The following VTI1A variants were observed in gnomAD, a reference collection of about 807,000 sequenced individuals.
VTI1A encodes the protein vesicle transport through interaction with t-SNAREs 1A, also known as vesicle transport through interaction with t-SNAREs homolog 1A.
A neutral mutation model predicts 34.9 loss-of-function variants in VTI1A; 22 were observed. The ratio of observed to expected loss-of-function variants is 0.63; its 90% CI spans 0.45 to 0.90. The LOEUF (loss-of-function observed/expected upper bound fraction) is 0.90, where lower values mean the gene tolerates loss of function less well. Ranked by LOEUF, VTI1A falls within the 40% of genes least tolerant of loss-of-function variation. The pLI, the probability that VTI1A is intolerant of heterozygous loss-of-function variation, is 0.00. For synonymous variants in VTI1A, 87 were observed against 97.3 expected (o/e 0.89, Z 0.62); for missense variants, 268 against 275.6 (o/e 0.97, Z 0.20).
chr10:112,782,829 A>AGAGGG, intron 7 of VTI1A, among the ~76,000 whole-genome samples: 1 of 152,178 alleles, frequency 6.6e-6, no homozygotes, highest in East Asian at 1.9e-4. Context: ...CCAGCTTGGA[A>AGAGGG]GAGGGCTGGC....
intron 7 of VTI1A, among the ~76,000 whole-genome samples, chr10:112,749,335 A>G (rs1851020914): frequency 6.6e-6 from 1 of 151,908 alleles, no homozygotes; most frequent in Admixed American, 6.5e-5. Context: ...ACTTTCTCAG[A>G]AAAACTACAT....
rs767976231 is a variant in VTI1A at position 112,817,627 on chromosome 10, A to C, written c.*2244A>C. Reference sequence around the variant, plus strand: ...GGAAGCTGGTCAGAAGGTTCCCTCAACTCCTTCCTGGTCCTCCTGGACACT... The same window carrying C: ...GGAAGCTGGTCAGAAGGTTCCCTCACCTCCTTCCTGGTCCTCCTGGACACT... On this transcript the variant is annotated 3_prime_UTR_variant, in exon 8 of 8. Coordinates refer to ENST00000393077, the MANE Select transcript of VTI1A (RefSeq NM_145206.4). 4.4e-6 allele frequency: 1 copy of C among 228,472 alleles called. No individual in the cohort carries two copies. Among genetic ancestry groups the C allele is most frequent in the Admixed American group, 5.7e-5 (1 of 17,586 alleles). The allele number at this position is 228,472 out of a possible 1,614,324, so 14.2% of individuals were successfully genotyped here. A position where few individuals can be genotyped will look rare whatever the true frequency, so the allele number is the denominator to read the frequency against.
intron 3 of VTI1A, among the ~76,000 whole-genome samples, chr10:112,521,141 C>G (rs182108828): frequency 6.6e-5 from 10 of 152,126 alleles, no homozygotes; most frequent in Non-Finnish European, 1.2e-4. Context: ...TAACTCTAAA[C>G]AGTCCCTTGA....
intron 5 of VTI1A, among the ~76,000 whole-genome samples, chr10:112,646,651 G>A (rs1198404345): frequency 6.6e-6 from 1 of 152,018 alleles, no homozygotes; most frequent in Non-Finnish European, 1.5e-5. Context: ...TGGGATTACA[G>A]GAGTGTGCCA....
At chr10:112,823,358 T>G (rs1025359961), downstream of VTI1A, 3 of 152,124 alleles carry the variant, frequency 2.0e-5, no homozygotes, top group Non-Finnish European at 4.4e-5. Flanking sequence ...TGGCAGGCAA[T>G]CAGGAGCCCA....
At chr10:112,727,477 A>C (rs1044742347) in intron 7 of VTI1A, among the ~76,000 whole-genome samples, 1 of 152,182 alleles carries the variant, frequency 6.6e-6, no homozygotes, top group Non-Finnish European at 1.5e-5. Flanking sequence ...TACTTACATG[A>C]AAAAAATATG....
chr10:112,662,386 A>G (rs182301871), intron 5 of VTI1A, among the ~76,000 whole-genome samples: 1 of 152,218 alleles, frequency 6.6e-6, no homozygotes, highest in Non-Finnish European at 1.5e-5. Flanking sequence ...GATAATTTCT[A>G]TTAACTATGT....
chr10:112,654,096 A>G (rs952553116), intron 5 of VTI1A, among the ~76,000 whole-genome samples: 1 of 152,226 alleles, frequency 6.6e-6, no homozygotes, highest in South Asian at 2.1e-4. Flanking sequence ...AAGAAAAGCA[A>G]ACAATAATAA....
intron 2 of VTI1A, among the ~76,000 whole-genome samples, 159 bp from the exon 3 acceptor site, chr10:112,464,388 T>C (rs538031216): frequency 3.3e-5 from 5 of 152,224 alleles, no homozygotes; most frequent in Non-Finnish European, 7.4e-5. Flanking sequence ...AAAAATTAAG[T>C]GTAAAAGTAG....
the VTI1A span, among the ~76,000 whole-genome samples, chr10:112,844,919 A>G: frequency 6.6e-6 from 1 of 152,148 alleles, no homozygotes; most frequent in Non-Finnish European, 1.5e-5. Context: ...AACCATTCAC[A>G]TAGGGTTTTC....
chr10:112,849,318 A>G, the VTI1A span, among the ~76,000 whole-genome samples: 1 of 152,214 alleles, frequency 6.6e-6, no homozygotes, highest in African/African-American at 2.4e-5. Flanking sequence ...GTCTTCACAC[A>G]TGGGCATTCA....
At chr10:112,548,930 C>T in intron 5 of VTI1A, 1 of 769,188 alleles carries the variant, frequency 1.3e-6, no homozygotes. Context: ...TTTTCTTCTA[C>T]TTCTACCTCC....
At chr10:112,825,678 G>A in the VTI1A span, 1 of 152,212 alleles carries the variant, frequency 6.6e-6, no homozygotes, top group East Asian at 1.9e-4. Flanking sequence ...GTGCCTGTGG[G>A]GGTCTGCACT....
chr10:112,447,632 A>G (rs1846940444), intron 1 of VTI1A, among the ~76,000 whole-genome samples, 165 bp downstream of exon 1: 1 of 152,048 alleles, frequency 6.6e-6, no homozygotes, highest in African/African-American at 2.4e-5. Flanking sequence ...GTAAGGAGTC[A>G]AGTTCGGGTG....
chr10:112,780,273 A>AAAATAAATAAATAAAT (rs143844379), intron 7 of VTI1A, among the ~76,000 whole-genome samples: 49 of 138,276 alleles, frequency 3.5e-4, no homozygotes, highest in South Asian at 7.4e-4. Flanking sequence ...CCTGTCTCTA[A>AAAATAAATAAATAAAT]AAATAAATAA....
intron 7 of VTI1A, among the ~76,000 whole-genome samples, chr10:112,785,675 G>A (rs1392923389): frequency 6.6e-6 from 1 of 152,112 alleles, no homozygotes; most frequent in Admixed American, 6.6e-5. Context: ...AAATTTTTGT[G>A]TATAGTGTAA....
intron 5 of VTI1A, among the ~76,000 whole-genome samples, chr10:112,549,040 T>C (rs1851246439): frequency 6.6e-6 from 1 of 152,154 alleles, no homozygotes; most frequent in African/African-American, 2.4e-5. Flanking sequence ...CCAGGTACAA[T>C]GTAACATCTC....
At chr10:112,547,543 A>T (rs1242621868) in intron 5 of VTI1A, among the ~76,000 whole-genome samples, 1 of 152,134 alleles carries the variant, frequency 6.6e-6, no homozygotes, top group Non-Finnish European at 1.5e-5. Context: ...GTGCCACTGC[A>T]CTCCAGCCTG....
At chr10:112,854,706 C>T in the VTI1A span, among the ~76,000 whole-genome samples, 1 of 152,280 alleles carries the variant, frequency 6.6e-6, no homozygotes, top group East Asian at 1.9e-4. Context: ...CCATGAAAGG[C>T]ATTACCAGCT....
Sources: gnomAD v4.1 joint callset for allele counts (sites outside exome capture counted in the v4.1 genomes callset) on GRCh38, gnomAD v4.1.1 for gene constraint, MANE v1.5 for transcripts, NCBI Gene and HGNC (gene_info 2026-07-23, HGNC 2026-07-21) for gene names.